Variants in SPICE1 observed in about 807,000 individuals in gnomAD.
SPICE1 encodes spindle and centriole associated protein 1.
SPICE1 carries 75 observed loss-of-function variants against 102.7 expected under a neutral mutation model. The ratio of observed to expected loss-of-function variants is 0.73; its 90% CI spans 0.61 to 0.88. The LOEUF is 0.88. SPICE1 is among the 40% of genes least tolerant of loss of function. The pLI, the probability that SPICE1 is intolerant of heterozygous loss-of-function variation, is 0.00. For missense variants in SPICE1, 979 were observed against 1,020.1 expected, an observed-to-expected ratio of 0.96 and a Z score of 0.55; for synonymous variants, 308 against 350.3, an observed-to-expected ratio of 0.88 and a Z score of 1.35.
intron 10 of SPICE1, among the ~76,000 whole-genome samples, chr3:113,467,740 T>C (rs1456065008): frequency 6.6e-6 from 1 of 152,240 alleles, no homozygotes; most frequent in Non-Finnish European, 1.5e-5. Flanking sequence ...CTACCGATTA[T>C]AGGCAATGCC....
At chr3:113,473,285 G>T (rs572989507) in intron 7 of SPICE1, among the ~76,000 whole-genome samples, 1 of 152,308 alleles carries the variant, frequency 6.6e-6, no homozygotes, top group East Asian at 1.9e-4. Flanking sequence ...ATGGGACTAT[G>T]TGAAAAGACC....
intron 10 of SPICE1, among the ~76,000 whole-genome samples, chr3:113,467,189 A>G (rs1197650242): frequency 2.0e-5 from 3 of 152,264 alleles, no homozygotes; most frequent in Non-Finnish European, 2.9e-5. Flanking sequence ...GCTTAAGTAC[A>G]TAACAGTTTA....
intron 1 of SPICE1, among the ~76,000 whole-genome samples, chr3:113,512,789 T>G (rs2107513188): frequency 6.6e-6 from 1 of 152,246 alleles, no homozygotes; most frequent in Admixed American, 6.5e-5. Context: ...TCCACCCAGT[T>G]CTATCTCAGT....
At chr3:113,471,968 G>A (rs928523089) in intron 7 of SPICE1, among the ~76,000 whole-genome samples, 10 of 152,306 alleles carry the variant, frequency 6.6e-5, no homozygotes, top group Middle Eastern at 3.4e-3. Flanking sequence ...CACCGTGCGC[G>A]AGCCGAAGCA....
At chr3:113,475,144 T>A (rs555784760) in intron 7 of SPICE1, among the ~76,000 whole-genome samples, 63 of 152,316 alleles carry the variant, frequency 4.1e-4, no homozygotes, top group Non-Finnish European at 7.5e-4. Flanking sequence ...CCTCAGAGAA[T>A]ACTACAAACA....
intron 7 of SPICE1, among the ~76,000 whole-genome samples, chr3:113,476,347 T>C (rs1169116354): frequency 6.6e-6 from 1 of 151,396 alleles, no homozygotes; most frequent in Non-Finnish European, 1.5e-5. Flanking sequence ...ATCGTGAAAA[T>C]GGCCATACTG....
Position 113,468,748 on chromosome 3 carries a change from TTA to T in SPICE1, c.889+12_889+13del. 6.2e-7 allele frequency: 1 copy of T among 1,604,484 alleles called. No individual in the cohort carries two copies. On this transcript the variant is annotated intron_variant, in intron 9 of 17. Transcript: ENST00000295872. The stretch of plus-strand genomic sequence containing the variant: ...CATGTTTAATATTCATCTTTGTAAA[TTA>T]AGGGACTGAACCTTTATTTAACAGC...
At chr3:113,476,244 T>C (rs958970822) in intron 7 of SPICE1, among the ~76,000 whole-genome samples, 5 of 150,648 alleles carry the variant, frequency 3.3e-5, no homozygotes, top group African/African-American at 1.2e-4. Context: ...GAAGGACCTC[T>C]TCAAGGAGAA....
chr3:113,448,336 T>C (rs1935566595), intron 15 of SPICE1, among the ~76,000 whole-genome samples, 196 bp from the exon 16 acceptor site: 1 of 151,856 alleles, frequency 6.6e-6, no homozygotes, highest in African/African-American at 2.4e-5. Context: ...TAGTTACTAG[T>C]GTTAATTCAG....
intron 17 of SPICE1, 124 bp downstream of exon 17, chr3:113,446,465 T>C (rs1935515603): frequency 1.3e-6 from 1 of 754,834 alleles, no homozygotes; most frequent in East Asian, 2.7e-5. Flanking sequence ...GTATTTCTTT[T>C]CTTTTAAGAA....
chr3:113,445,382 A>G (rs1337934396), intron 17 of SPICE1, 22 bp from the exon 18 acceptor site: 1 of 1,609,234 alleles, frequency 6.2e-7, no homozygotes, highest in East Asian at 2.2e-5. Context: ...AGACACGGAA[A>G]AAATTTAGAT....
chr3:113,499,401 CT>C (rs750778476), intron 4 of SPICE1, 37 bp downstream of exon 4: 2 of 1,586,804 alleles, frequency 1.3e-6, no homozygotes. Context: ...TATTTATCTC[CT>C]TTTTTTCTTT....
chr3:113,446,741 CA>C, intron 16 of SPICE1, 65 bp from the exon 17 acceptor site: 4 of 1,277,642 alleles, frequency 3.1e-6, no homozygotes, highest in Non-Finnish European at 4.5e-6. Context: ...AAAGATTATG[CA>C]AACAACTGAC....
chr3:113,472,018 G>A (rs891351181), intron 7 of SPICE1, among the ~76,000 whole-genome samples: 1 of 152,232 alleles, frequency 6.6e-6, no homozygotes, highest in Admixed American at 6.5e-5. Context: ...CGAGGGGTCA[G>A]GGAGTTCCCT....
chr3:113,497,550 A>G (rs1209255436), intron 4 of SPICE1, among the ~76,000 whole-genome samples: 2 of 152,038 alleles, frequency 1.3e-5, no homozygotes, highest in Non-Finnish European at 2.9e-5. Flanking sequence ...GAGGTGCTCA[A>G]CCCCTGCAGC....
chr3:113,491,646 A>AAAAT (rs1559972346), intron 6 of SPICE1, among the ~76,000 whole-genome samples: 1 of 150,280 alleles, frequency 6.7e-6, no homozygotes, highest in African/African-American at 2.5e-5. Flanking sequence ...AAAAAAAAAA[A>AAAAT]AAAGATTATC....
intron 1 of SPICE1, among the ~76,000 whole-genome samples, chr3:113,508,275 T>C (rs1046946247): frequency 6.6e-6 from 1 of 151,996 alleles, no homozygotes; most frequent in Non-Finnish European, 1.5e-5. Flanking sequence ...AAAAAATAAA[T>C]TGGACGTAAT....
intron 6 of SPICE1, among the ~76,000 whole-genome samples, chr3:113,490,288 C>CT (rs1206691159): frequency 6.6e-6 from 1 of 152,162 alleles, no homozygotes; most frequent in Non-Finnish European, 1.5e-5. Flanking sequence ...TTCCAAACCT[C>CT]TATCTTCACA....
chr3:113,468,716 C>T, intron 9 of SPICE1, 46 bp downstream of exon 9: 1 of 1,575,352 alleles, frequency 6.3e-7, no homozygotes, highest in East Asian at 2.2e-5. Context: ...ACAGCTGTAT[C>T]AAGTTACATG....
Sources: allele counts gnomAD v4.1 joint callset (sites outside exome capture counted in the v4.1 genomes callset), GRCh38; gene constraint gnomAD v4.1.1; transcripts MANE v1.5; gene names NCBI Gene and HGNC (gene_info 2026-07-23, HGNC 2026-07-21).